Variants in TMC5 observed in about 807,000 individuals in gnomAD.
The protein encoded by TMC5 is transmembrane channel-like protein 5.
TMC5 carries 86 observed loss-of-function variants against 110.5 expected under a neutral mutation model. The ratio of observed to expected loss-of-function variants is 0.78; its 90% CI spans 0.65 to 0.93. The LOEUF (loss-of-function observed/expected upper bound fraction) is 0.93. Among genes scored for constraint, TMC5 ranks in the 40% least tolerant of loss-of-function variants. The pLI, the probability that TMC5 is intolerant of heterozygous loss-of-function variation, is 0.00. For missense variants in TMC5, 1,144 were observed against 1,222.8 expected (o/e 0.94, Z 0.96); for synonymous variants, 455 against 439.5 (o/e 1.04, Z -0.44).
chr16:19,484,161 A>G (rs1968682784), intron 15 of TMC5, among the ~76,000 whole-genome samples: 1 of 152,174 alleles, frequency 6.6e-6, no homozygotes, highest in South Asian at 2.1e-4. Context: ...ACGCTTTGCA[A>G]ACACCAATAT....
intron 6 of TMC5, among the ~76,000 whole-genome samples, chr16:19,460,924 G>A (rs1968005921): frequency 6.6e-6 from 1 of 152,192 alleles, no homozygotes; most frequent in Non-Finnish European, 1.5e-5. Context: ...GGGAGGCCAA[G>A]GTGGTGGGAT....
chr16:19,471,744 TTTTATTTATTTG>T (rs1968347049), intron 10 of TMC5, among the ~76,000 whole-genome samples: 1 of 152,000 alleles, frequency 6.6e-6, no homozygotes, highest in South Asian at 2.1e-4. Flanking sequence ...TTTCATTTAT[TTTTATTTATTTG>T]TTTATTTATT....
intron 1 of TMC5, among the ~76,000 whole-genome samples, chr16:19,423,846 G>A (rs1432511571): frequency 6.6e-5 from 10 of 152,154 alleles, no homozygotes; most frequent in Non-Finnish European, 4.4e-5. Flanking sequence ...CCACCTCCCA[G>A]GTTGAAGCGA....
chr16:19,490,549 A>G lies in TMC5; in HGVS notation c.2728A>G (p.Ile910Val), dbSNP rs1968861060. The G allele has an allele frequency of 6.2e-7, 1 of 1,613,852 alleles. No individual in the cohort carries two copies. The highest frequency in any genetic ancestry group is 8.5e-7 in the Non-Finnish European group (1 of 1,180,002). The change falls in exon 18 of 22, where the codon ATC (isoleucine) becomes GTC (valine). Residue 910 changes from isoleucine to valine, a missense_variant. Coordinates refer to ENST00000542583, the MANE Select transcript of TMC5 (RefSeq NM_001261841.2). ...NLIGSVHFFF[I>V]LTLIVLIITY... ...CATTGGAAGTGTGCACTTCTTTTTCATCCTCACCCTCATTGTGCTGTGAGT... is the reference window on the plus strand; with the variant it reads ...CATTGGAAGTGTGCACTTCTTTTTCGTCCTCACCCTCATTGTGCTGTGAGT...
rs552815140 is a variant in TMC5, at chr16:19,444,277, A to G, written c.958+27A>G. 56 of 1,606,144 alleles carry G rather than the reference A, an allele frequency of 3.5e-5. 1 individual carries two copies. The South Asian group carries it at 3.8e-4, about 11-fold the overall frequency. ...TAAGCATTTGTTAAGCCAGGATCATATCCTGGGAAAAAACTGAAATCACTG... is the reference window on the plus strand; with the variant it reads ...TAAGCATTTGTTAAGCCAGGATCATGTCCTGGGAAAAAACTGAAATCACTG... On this transcript the variant is annotated intron_variant, in intron 4 of 21. Coordinates refer to ENST00000542583, the MANE Select transcript of TMC5 (RefSeq NM_001261841.2).
chr16:19,414,953 G>C (rs903129702), upstream of TMC5, among the ~76,000 whole-genome samples: 9 of 152,158 alleles, frequency 5.9e-5, no homozygotes, highest in Non-Finnish European at 1.3e-4. Context: ...CTGAGGCTTA[G>C]GCAAGAGGAT....
upstream of TMC5, among the ~76,000 whole-genome samples, chr16:19,414,687 G>A (rs943165724): frequency 3.3e-5 from 5 of 152,130 alleles, 1 homozygote; most frequent in East Asian, 1.9e-4. Context: ...CGGGAGGATC[G>A]CTTGAGATCA....
intron 2 of TMC5, among the ~76,000 whole-genome samples, chr16:19,434,829 A>G (rs1967305392): frequency 1.3e-5 from 2 of 151,976 alleles, no homozygotes; most frequent in Admixed American, 1.3e-4. Flanking sequence ...ATCCTATGAG[A>G]TATTATTGTC....
chr16:19,480,568 G>A (rs1445048765), intron 14 of TMC5, among the ~76,000 whole-genome samples: 41 of 152,098 alleles, frequency 2.7e-4, no homozygotes, highest in Admixed American at 2.7e-3. Context: ...ACTTTGGGAG[G>A]CCAAGGCGGG....
At chr16:19,493,970 G>C (rs140094367) in intron 19 of TMC5, among the ~76,000 whole-genome samples, 5 of 152,122 alleles carry the variant, frequency 3.3e-5, no homozygotes, top group Non-Finnish European at 7.4e-5. Context: ...GTATTGAGAC[G>C]TGGCATGTAA....
upstream of TMC5, among the ~76,000 whole-genome samples, chr16:19,417,112 A>AAAAAAAC (rs1421796008): frequency 6.7e-6 from 1 of 149,628 alleles, no homozygotes; most frequent in Non-Finnish European, 1.5e-5. Flanking sequence ...AAAAAAAAAA[A>AAAAAAAC]AAGAAGAAAA....
chr16:19,491,503 G>C (rs1968904200), intron 18 of TMC5, among the ~76,000 whole-genome samples: 1 of 150,596 alleles, frequency 6.6e-6, no homozygotes, highest in Non-Finnish European at 1.5e-5. Context: ...AGGGGGGAAA[G>C]GTTATATATA....
chr16:19,412,180 C>G (rs1966857229), intron 1 of TMC5, among the ~76,000 whole-genome samples: 2 of 150,614 alleles, frequency 1.3e-5, no homozygotes, highest in African/African-American at 4.9e-5. Context: ...AGGCGATCCT[C>G]CTGCCTCAGC....
intron 4 of TMC5, among the ~76,000 whole-genome samples, chr16:19,448,863 CTTTTT>C (rs761356076): frequency 7.8e-6 from 1 of 128,190 alleles, no homozygotes; most frequent in Non-Finnish European, 1.7e-5. Context: ...GTATTTTTTT[CTTTTT>C]TTTTTTTTTT....
At chr16:19,466,826 T>G (rs1968202157) in intron 9 of TMC5, among the ~76,000 whole-genome samples, 2 of 152,052 alleles carry the variant, frequency 1.3e-5, no homozygotes. Flanking sequence ...TAGATAACTA[T>G]CAGAGAGGAG....
intron 1 of TMC5, among the ~76,000 whole-genome samples, chr16:19,425,227 T>G (rs1967066218): frequency 6.6e-6 from 1 of 152,200 alleles, no homozygotes; most frequent in Non-Finnish European, 1.5e-5. Context: ...GCTGTGGTTA[T>G]GTGTGCATTA....
intron 2 of TMC5, among the ~76,000 whole-genome samples, chr16:19,434,397 TATATATATC>T (rs1454963830): frequency 4.8e-5 from 2 of 41,822 alleles, no homozygotes; most frequent in Non-Finnish European, 1.6e-4. Context: ...ATAGATATAA[TATATATATC>T]ATATATATCT....
In TMC5 at chr16:19,469,699, G is replaced by T. The variant is rs367823912; in HGVS notation, c.1656G>T (p.Arg552=). ...SLLFSMAKYF[R]NNFINPHIYS... ...TCTCTAGCATGGCCAAGTATTTCCG[G>T]AACAACTTCATTAATCCCCACATTT... The change falls in exon 10 of 22, where the codon CGG becomes CGT. Residue 552 remains arginine (R), a synonymous_variant. Coordinates refer to ENST00000542583, the MANE Select transcript of TMC5 (RefSeq NM_001261841.2). 3.7e-6 allele frequency: 6 copies of T among 1,613,892 alleles called. No homozygotes were observed. The highest frequency in any genetic ancestry group is 5.1e-6 in the Non-Finnish European group (6 of 1,179,930).
Position 19,490,738 on chromosome 16 carries a change from CCTT to C in TMC5, c.2747+172_2747+174del, listed in dbSNP as rs1414082712. On this transcript the variant is annotated intron_variant, in intron 18 of 21. Coordinates refer to ENST00000542583, the MANE Select transcript of TMC5 (RefSeq NM_001261841.2). ...TCCTTCCTTCCTTCCTTCCTTCCTTCCTTCCTTCCTTCCTTCCTTCCTTCCCTT... is the reference window on the plus strand; with the variant it reads ...TCCTTCCTTCCTTCCTTCCTTCCTTCCCTTCCTTCCTTCCTTCCTTCCCTT... Among the ~76,000 whole-genome samples the C allele has an allele frequency of 2.5e-3, 249 of 100,588 alleles. 3 individuals are homozygous for C. The highest frequency in any genetic ancestry group is 3.5e-3 in the South Asian group (9 of 2,566). 66.0% of individuals were successfully genotyped at this position (100,588 alleles called of 152,430 possible). A position where few individuals can be genotyped will look rare whatever the true frequency, so the allele number is the denominator to read the frequency against.
Sources: gnomAD v4.1 joint callset for allele counts (sites outside exome capture counted in the v4.1 genomes callset) on GRCh38, gnomAD v4.1.1 for gene constraint, MANE v1.5 for transcripts, NCBI Gene and HGNC (gene_info 2026-07-23, HGNC 2026-07-21) for gene names.